SPAST: variants seen among roughly 807,000 people sequenced by gnomAD.
SPAST encodes spastin.
A neutral mutation model predicts 76.6 loss-of-function variants in SPAST; 30 were observed. The observed-to-expected ratio is 0.39, with a 90% CI of 0.29 to 0.53. SPAST has a LOEUF of 0.53. Ranked by LOEUF, SPAST falls within the 20% of genes least tolerant of loss-of-function variation. The probability of loss-of-function intolerance (pLI) is 0.68; values close to 1 mark genes in which losing one functional copy is unlikely to be tolerated. For synonymous variants in SPAST, 305 were observed against 281.0 expected (o/e 1.09, Z -0.86); for missense variants, 717 against 770.5 (o/e 0.93, Z 0.82).
At chr2:32,104,564 T>G (rs1287209218) in intron 4 of SPAST, among the ~76,000 whole-genome samples, 2 of 152,218 alleles carry the variant, frequency 1.3e-5, no homozygotes, top group African/African-American at 2.4e-5. Flanking sequence ...CTTTACAATT[T>G]GGCATGTTTT....
At position 32,098,815 on chromosome 2, in the gene SPAST, G is replaced by A. The variant is rs1404393734; in HGVS notation, c.606G>A (p.Leu202=). The change falls in exon 4 of 17, where the codon TTG becomes TTA. Residue 202 remains leucine, a synonymous_variant. Transcript: ENST00000315285. The stretch of plus-strand genomic sequence containing the variant: ...GCATAGAGAAGATGCAACCAGTTTT[G>A]CCATTTTCCAAGTCACAAACGGACG... The part of the protein sequence containing the change: ...LQLLEKMQPV[L]PFSKSQTDVY... 9 of 1,612,694 alleles carry A rather than the reference G, an allele frequency of 5.6e-6. No homozygotes were observed. Among genetic ancestry groups the A allele is most frequent in the Non-Finnish European group, 7.6e-6 (9 of 1,179,334 alleles).
chr2:32,147,930 C>CTTT (rs71407420), intron 16 of SPAST, among the ~76,000 whole-genome samples: 1,312 of 116,402 alleles, frequency 0.011, 51 homozygotes, highest in East Asian at 0.028. Context: ...TGCGCCCGGC[C>CTTT]TTTTTTTTTT....
chr2:32,129,385 G>A (rs1679298048), intron 9 of SPAST: 1 of 151,842 alleles, frequency 6.6e-6, no homozygotes, highest in African/African-American at 2.4e-5. Flanking sequence ...CACCACACCT[G>A]GCCAGTAGAT....
chr2:32,115,758 T>C lies in SPAST; in HGVS notation c.927T>C (p.Arg309=), dbSNP rs1255859370. 5.6e-6 allele frequency: 9 copies of C among 1,611,608 alleles called. No individual in the cohort carries two copies. Among genetic ancestry groups the C allele is most frequent in the Non-Finnish European group, 7.6e-6 (9 of 1,178,076 alleles). ...CTTCTACCCCTACAACTGCTACTCG[T>C]AAGAAAAAAGACTTGAAGAATTTTA... ...NKPSTPTTAT[R]KKKDLKNFRN... is the part of the protein sequence containing the mutation. Residue 309 remains arginine (R), a synonymous_variant, in exon 6 of 17, where the codon CGT becomes CGC. Coordinates refer to ENST00000315285, the MANE Select transcript of SPAST (RefSeq NM_014946.4).
chr2:32,110,104 G>GTT (rs200943358), intron 4 of SPAST, among the ~76,000 whole-genome samples: 5 of 135,492 alleles, frequency 3.7e-5, no homozygotes, highest in African/African-American at 1.4e-4. Context: ...AGTTTTTTTT[G>GTT]TTTTTTTTTT....
At chr2:32,122,997 C>T (rs374186575) in intron 7 of SPAST, among the ~76,000 whole-genome samples, 5 of 152,120 alleles carry the variant, frequency 3.3e-5, no homozygotes, top group African/African-American at 9.7e-5. Context: ...TGCAGTGGCT[C>T]ACACCTGTAA....
chr2:32,133,831 G>C (rs1558335006), intron 9 of SPAST, among the ~76,000 whole-genome samples: 1 of 151,916 alleles, frequency 6.6e-6, no homozygotes, highest in Non-Finnish European at 1.5e-5. Context: ...ACTAGAAGAT[G>C]GTCTCCATGT....
At chr2:32,136,991 T>C (rs1481816536) in intron 11 of SPAST, 23 bp downstream of exon 11, 1 of 1,576,678 alleles carries the variant, frequency 6.3e-7, no homozygotes, top group East Asian at 2.3e-5. Flanking sequence ...TATGATATTT[T>C]TAATGTGGCA....
chr2:32,108,708 C>A (rs1678417301), intron 4 of SPAST, among the ~76,000 whole-genome samples: 1 of 150,522 alleles, frequency 6.6e-6, no homozygotes, highest in African/African-American at 2.5e-5. Flanking sequence ...GCCTCAGACT[C>A]CCAGAGTGTT....
intron 1 of SPAST, among the ~76,000 whole-genome samples, chr2:32,067,835 T>TA (rs1197979814): frequency 4.1e-5 from 6 of 146,230 alleles, no homozygotes; most frequent in South Asian, 2.1e-4. Context: ...TTTTGAACAA[T>TA]AAAAAAAAAA....
chr2:32,123,449 A>T (rs1413690453), intron 7 of SPAST, among the ~76,000 whole-genome samples: 3 of 152,186 alleles, frequency 2.0e-5, no homozygotes, highest in Non-Finnish European at 4.4e-5. Context: ...TTGAGATGTC[A>T]GTTCTTCCCA....
In SPAST at chr2:32,063,657, C is replaced by T; in HGVS notation, c.-175C>T. 2.5e-6 allele frequency: 2 copies of T among 791,892 alleles called. No individual in the cohort carries two copies. Among genetic ancestry groups the T allele is most frequent in the Non-Finnish European group, 1.9e-6 (1 of 517,194 alleles). The allele number at this position is 791,892 out of a possible 1,614,324, so 49.1% of individuals were successfully genotyped here. ...GAGGAGAAGGGGTTGTGCTCCTGGC[C>T]GAGGAAGGAGAAAGGGGCGGGGCCG... On this transcript the variant is annotated 5_prime_UTR_variant, in exon 1 of 17. Transcript: ENST00000315285.
At chr2:32,091,678 C>G (rs1677723494) in intron 3 of SPAST, among the ~76,000 whole-genome samples, 2 of 151,548 alleles carry the variant, frequency 1.3e-5, no homozygotes, top group Middle Eastern at 3.4e-3. Flanking sequence ...TAAAAAAATA[C>G]AAAAAACTAG....
chr2:32,136,401 G>GT (rs1679536934), intron 9 of SPAST, among the ~76,000 whole-genome samples, 162 bp from the exon 10 acceptor site: 1 of 128,686 alleles, frequency 7.8e-6, no homozygotes, highest in Admixed American at 7.8e-5. Flanking sequence ...GTCTAAAATT[G>GT]TAAGGGACGG....
chr2:32,126,928 C>T lies in SPAST; in HGVS notation c.1099-20C>T. 6.4e-7 allele frequency: 1 copy of T among 1,550,820 alleles called. No individual in the cohort carries two copies. Among genetic ancestry groups the T allele is most frequent in the Non-Finnish European group, 8.9e-7 (1 of 1,122,654 alleles). The stretch of plus-strand genomic sequence containing the variant: ...ATGTCTCTAGAATCATAGTTGTAAA[C>T]TAAAGTATATATTTTTTAGTTGTTC... On this transcript the variant is annotated intron_variant, in intron 7 of 16. Transcript: ENST00000315285.
At chr2:32,128,363 T>C (rs756644593) in intron 8 of SPAST, 45 bp from the exon 9 acceptor site, 1 of 1,264,074 alleles carries the variant, frequency 7.9e-7, no homozygotes, top group East Asian at 2.4e-5. Flanking sequence ...CTTTTAAATG[T>C]AATATATTGA....
At chr2:32,151,365 AGCTGGCAC>A (rs1160566180) in intron 16 of SPAST, among the ~76,000 whole-genome samples, 3 of 152,214 alleles carry the variant, frequency 2.0e-5, no homozygotes, top group Admixed American at 1.3e-4. Flanking sequence ...CACTTAAAGT[AGCTGGCAC>A]GTAGTAAACA....
chr2:32,087,036 C>T (rs1365542428), intron 1 of SPAST, among the ~76,000 whole-genome samples: 1 of 152,224 alleles, frequency 6.6e-6, no homozygotes, highest in East Asian at 1.9e-4. Flanking sequence ...CAGCAGTTCT[C>T]ATGATGCAAT....
At chr2:32,132,895 GA>G (rs2148750319) in intron 9 of SPAST, among the ~76,000 whole-genome samples, 1 of 152,074 alleles carries the variant, frequency 6.6e-6, no homozygotes, top group African/African-American at 2.4e-5. Flanking sequence ...AAATACAAAA[GA>G]TGAGCTGGGC....
Sources: allele counts gnomAD v4.1 joint callset (sites outside exome capture counted in the v4.1 genomes callset), GRCh38; gene constraint gnomAD v4.1.1; transcripts MANE v1.5; gene names NCBI Gene and HGNC (gene_info 2026-07-23, HGNC 2026-07-21).